The following KIAA2012 variants were observed in gnomAD, a reference collection of about 807,000 sequenced individuals.
The protein encoded by KIAA2012 is uncharacterized protein KIAA2012.
In KIAA2012, 125 loss-of-function variants were observed where a neutral mutation model predicts 150.6. The observed-to-expected ratio is 0.83, with a 90% confidence interval of 0.72 to 0.96. KIAA2012 has a LOEUF of 0.96. Ranked by LOEUF, KIAA2012 falls within the 40% of genes least tolerant of loss-of-function variation. The pLI is 0.00. For missense variants in KIAA2012, 1,219 were observed against 1,354.9 expected (o/e 0.90, Z 1.57); for synonymous variants, 462 against 504.7 (o/e 0.92, Z 1.13).
intron 2 of KIAA2012, among the ~76,000 whole-genome samples, chr2:202,090,482 G>A (rs1689689245): frequency 1.3e-5 from 2 of 152,228 alleles, no homozygotes; most frequent in East Asian, 1.9e-4. Flanking sequence ...ACTAGGTAAT[G>A]TGTTTTCTTC....
intron 15 of KIAA2012, among the ~76,000 whole-genome samples, chr2:202,176,344 G>GTGC (rs1275733236): frequency 6.6e-6 from 1 of 151,988 alleles, no homozygotes; most frequent in Admixed American, 6.6e-5. Flanking sequence ...TTACAGGTGT[G>GTGC]TGCCACCAGG....
chr2:202,091,674 T>A (rs62195574), intron 3 of KIAA2012, among the ~76,000 whole-genome samples: 9 of 152,202 alleles, frequency 5.9e-5, no homozygotes, highest in Non-Finnish European at 1.5e-5. Flanking sequence ...AAAAAATTCA[T>A]TGTTTATCCA....
intron 4 of KIAA2012, among the ~76,000 whole-genome samples, chr2:202,094,565 G>C (rs1225091601): frequency 1.3e-5 from 2 of 151,368 alleles, no homozygotes; most frequent in African/African-American, 2.4e-5. Flanking sequence ...TGTCACCCAA[G>C]CTGAAGTGCA....
In KIAA2012 at chr2:202,081,838, T is replaced by C. The variant is rs1203255567; in HGVS notation, c.369+6663T>C. Among the ~76,000 whole-genome samples the C allele has an allele frequency of 3.9e-5, 6 of 152,190 alleles. No homozygotes were observed. In the East Asian group the frequency reaches 1.2e-3, roughly 29 times the overall value. On this transcript the variant is annotated intron_variant, in intron 2 of 23. Coordinates refer to ENST00000498697, the MANE Select transcript of KIAA2012 (RefSeq NM_001277372.4). ...CTGGGATTACAGGCATGAGCCACTGTGCCTGGCCTTAAACACTTTTATTTG... is the reference window on the plus strand; with the variant it reads ...CTGGGATTACAGGCATGAGCCACTGCGCCTGGCCTTAAACACTTTTATTTG...
chr2:202,113,247 C>T (rs552495810), intron 10 of KIAA2012, 89 bp from the exon 11 acceptor site: 185 of 962,044 alleles, frequency 1.9e-4, no homozygotes, highest in Non-Finnish European at 2.3e-4. Context: ...TGTGTGCCCG[C>T]GGGGGACCAG....
intron 13 of KIAA2012, among the ~76,000 whole-genome samples, chr2:202,150,709 C>T (rs960768083): frequency 3.9e-5 from 6 of 152,098 alleles, no homozygotes; most frequent in Non-Finnish European, 5.9e-5. Flanking sequence ...CAGCCTCCCG[C>T]AGTCCTGGGA....
intron 4 of KIAA2012, among the ~76,000 whole-genome samples, 175 bp from the exon 5 acceptor site, chr2:202,097,260 T>G (rs1199952994): frequency 6.6e-6 from 1 of 152,232 alleles, no homozygotes; most frequent in Non-Finnish European, 1.5e-5. Flanking sequence ...TCCACAGACC[T>G]GGCTGCCACT....
intron 15 of KIAA2012, chr2:202,179,919 T>A (rs1302764770): frequency 2.6e-6 from 2 of 774,320 alleles, no homozygotes; most frequent in Admixed American, 1.9e-5. Flanking sequence ...AACATAGAAG[T>A]TGGAATCTTC....
At chr2:202,096,841 T>G (rs1689896309) in intron 4 of KIAA2012, among the ~76,000 whole-genome samples, 1 of 152,202 alleles carries the variant, frequency 6.6e-6, no homozygotes, top group South Asian at 2.1e-4. Context: ...ATGAAAGACT[T>G]GTTAACTATG....
chr2:202,202,217 C>G (rs767894188), intron 22 of KIAA2012, among the ~76,000 whole-genome samples: 1 of 151,990 alleles, frequency 6.6e-6, no homozygotes, highest in African/African-American at 2.4e-5. Flanking sequence ...TTATGCCTCT[C>G]TTTTTACTTT....
rs1465185228 is a variant in KIAA2012 at position 202,100,331 on chromosome 2, A to G, written c.1037A>G (p.His346Arg). The change falls in exon 7 of 24, where the codon CAC (histidine) becomes CGC (arginine). Residue 346 changes from histidine (H) to arginine (R), a missense_variant. Physicochemically the swap from His to Arg is conservative, Grantham distance 29. Coordinates refer to ENST00000498697, the MANE Select transcript of KIAA2012 (RefSeq NM_001277372.4). ...LSDKQRNVKL[H>R]KARSSHLLQV... ...GATAAACAAAGGAACGTGAAACTCC[A>G]CAAGGCCAGAAGCAGCCACTTGTTA... 3.2e-6 allele frequency: 5 copies of G among 1,550,548 alleles called. No homozygotes were observed. The highest frequency in any genetic ancestry group is 4.4e-6 in the Non-Finnish European group (5 of 1,146,944).
chr2:202,109,871 A>G, intron 10 of KIAA2012, 82 bp downstream of exon 10: 1 of 1,292,802 alleles, frequency 7.7e-7, no homozygotes, highest in Non-Finnish European at 1.0e-6. Context: ...GCTATGATGT[A>G]AGTTTTCTGA....
At chr2:202,133,122 A>ATATATATG (rs1690993051) in intron 12 of KIAA2012, among the ~76,000 whole-genome samples, 1 of 71,892 alleles carries the variant, frequency 1.4e-5, no homozygotes, top group Admixed American at 1.5e-4. Flanking sequence ...ATATATATAT[A>ATATATATG]TATATATATT....
chr2:202,187,244 C>A, intron 17 of KIAA2012, 146 bp downstream of exon 17: 1 of 802,130 alleles, frequency 1.2e-6, no homozygotes, highest in Non-Finnish European at 1.9e-6. Flanking sequence ...CTGTGGTCTG[C>A]TTACCAAGCC....
chr2:202,158,143 C>T (rs904040594), intron 14 of KIAA2012, among the ~76,000 whole-genome samples: 13 of 152,226 alleles, frequency 8.5e-5, no homozygotes, highest in African/African-American at 9.6e-5. Flanking sequence ...TACAGGCGCC[C>T]GCCACCATGC....
In KIAA2012 at chr2:202,073,666, G is replaced by T. The variant is rs1324220944; in HGVS notation, c.39G>T (p.Lys13Asn). ...CCCTCCTGAGCCGGGGCCACGGGAA[G>T]CTGGGCCAGGACAAACAGAAGTTAG... ...TLSLLSRGHG[K>N]LGQDKQKLEV... The change falls in exon 1 of 24, where the codon AAG becomes AAT. Residue 13 changes from lysine to asparagine, a missense_variant. By Grantham distance (94) the Lys-to-Asn change is moderately conservative. Transcript: ENST00000498697. 6.4e-7 allele frequency: 1 copy of T among 1,550,478 alleles called. No homozygotes were observed. The highest frequency in any genetic ancestry group is 8.7e-7 in the Non-Finnish European group (1 of 1,146,954).
chr2:202,109,519 C>G, intron 9 of KIAA2012, 94 bp from the exon 10 acceptor site: 1 of 1,105,926 alleles, frequency 9.0e-7, no homozygotes, highest in Non-Finnish European at 1.3e-6. Context: ...AGTCTTCACA[C>G]AGAGGTCCTT....
At chr2:202,100,229 C>G in intron 6 of KIAA2012, 78 bp from the exon 7 acceptor site, 1 of 1,414,836 alleles carries the variant, frequency 7.1e-7, no homozygotes. Flanking sequence ...TTAACTACGA[C>G]GTGATAAAAG....
intron 15 of KIAA2012, among the ~76,000 whole-genome samples, chr2:202,182,147 C>G (rs1044253469): frequency 3.5e-5 from 5 of 141,444 alleles, no homozygotes; most frequent in African/African-American, 1.3e-4. Flanking sequence ...GGAGTTTCAC[C>G]CTTGTTGCCC....
Sources: gnomAD v4.1 joint callset for allele counts (sites outside exome capture counted in the v4.1 genomes callset) on GRCh38, gnomAD v4.1.1 for gene constraint, MANE v1.5 for transcripts, NCBI Gene and HGNC (gene_info 2026-07-23, HGNC 2026-07-21) for gene names.